Variants in VPS13B observed in about 807,000 individuals in gnomAD.
The protein encoded by VPS13B is intermembrane lipid transfer protein VPS13B.
A neutral mutation model predicts 426.4 loss-of-function variants in VPS13B; 285 were observed. The observed-to-expected ratio is 0.67, with a 90% CI of 0.61 to 0.74. The LOEUF (loss-of-function observed/expected upper bound fraction) is 0.74. Ranked by LOEUF, VPS13B falls within the 30% of genes least tolerant of loss-of-function variation. VPS13B has a pLI of 0.00. For synonymous variants in VPS13B, 1,676 were observed against 1,676.4 expected, an observed-to-expected ratio of 1.00 and a Z score of 0.01; for missense variants, 4,537 against 4,782.6, an observed-to-expected ratio of 0.95 and a Z score of 1.51.
At chr8:99,472,130 AAGAT>A (rs1015650474) in intron 24 of VPS13B, among the ~76,000 whole-genome samples, 5 of 152,108 alleles carry the variant, frequency 3.3e-5, no homozygotes, top group African/African-American at 7.2e-5. Flanking sequence ...TTAAGGGAAA[AAGAT>A]AGAGAATTCT....
chr8:99,606,242 A>G (rs1166072619), intron 33 of VPS13B, among the ~76,000 whole-genome samples: 1 of 152,148 alleles, frequency 6.6e-6, no homozygotes, highest in Admixed American at 6.6e-5. Context: ...TTCCTCAAAC[A>G]GCCTCAGGTG....
intron 17 of VPS13B, among the ~76,000 whole-genome samples, chr8:99,240,169 G>A (rs761319004): frequency 4.6e-5 from 7 of 152,138 alleles, no homozygotes; most frequent in African/African-American, 9.7e-5. Flanking sequence ...CTGCCAGGTG[G>A]ACTCTGGGCA....
intron 3 of VPS13B, among the ~76,000 whole-genome samples, chr8:99,044,327 C>T (rs1843107425): frequency 6.6e-6 from 1 of 151,804 alleles, no homozygotes; most frequent in South Asian, 2.1e-4. Flanking sequence ...TTGTGATCCG[C>T]CCACCTCAGC....
intron 3 of VPS13B, among the ~76,000 whole-genome samples, chr8:99,059,196 G>T (rs1259727094): frequency 9.2e-5 from 14 of 152,296 alleles, no homozygotes; most frequent in African/African-American, 1.4e-4. Context: ...GAGTGCAGTG[G>T]CTTGATCTTG....
At chr8:99,462,877 C>T (rs1818912135) in intron 23 of VPS13B, among the ~76,000 whole-genome samples, 1 of 152,146 alleles carries the variant, frequency 6.6e-6, no homozygotes, top group African/African-American at 2.4e-5. Flanking sequence ...GTTTTCCAGC[C>T]TCAAAGAGTG....
chr8:99,495,197 T>G (rs1436744283), intron 25 of VPS13B, among the ~76,000 whole-genome samples: 1 of 152,180 alleles, frequency 6.6e-6, no homozygotes, highest in Non-Finnish European at 1.5e-5. Context: ...AGATGTTGAA[T>G]AATTTTGGAA....
intron 23 of VPS13B, among the ~76,000 whole-genome samples, chr8:99,443,847 G>A (rs1388410272): frequency 6.6e-6 from 1 of 152,092 alleles, no homozygotes; most frequent in African/African-American, 2.4e-5. Flanking sequence ...GAGTAAAATT[G>A]TTGTGTCGTA....
At chr8:99,341,751 A>G in intron 19 of VPS13B, 1 of 392,026 alleles carries the variant, frequency 2.6e-6, no homozygotes, top group South Asian at 2.4e-5. Flanking sequence ...CCCACCAATA[A>G]CATCAGCAAT....
intron 3 of VPS13B, among the ~76,000 whole-genome samples, chr8:99,051,727 C>T (rs1192565678): frequency 1.3e-5 from 2 of 152,108 alleles, no homozygotes; most frequent in Admixed American, 1.3e-4. Flanking sequence ...TTATAGTTCT[C>T]CTTGAAGAGG....
In VPS13B at chr8:99,428,903, G is replaced by C. The variant is rs549606647; in HGVS notation, c.3083-2634G>C. 1.3e-4 allele frequency among the ~76,000 whole-genome samples: 20 copies of C among 152,230 alleles called. No individual in the cohort carries two copies. In the East Asian group the frequency reaches 3.1e-3, roughly 23 times the overall value. On this transcript the variant is annotated intron_variant, in intron 21 of 61. Transcript: ENST00000357162. ...CCCAAATGTCCAACAATGATAGACTGGATTAAGAAAATGTGGCACATATAC... is the reference window on the plus strand; with the variant it reads ...CCCAAATGTCCAACAATGATAGACTCGATTAAGAAAATGTGGCACATATAC...
At chr8:99,191,009 T>TA (rs968726767) in intron 16 of VPS13B, among the ~76,000 whole-genome samples, 2 of 152,078 alleles carry the variant, frequency 1.3e-5, no homozygotes, top group Non-Finnish European at 2.9e-5. Flanking sequence ...CGTTTAGTCA[T>TA]AAAAAAGCTC....
intron 33 of VPS13B, among the ~76,000 whole-genome samples, chr8:99,632,851 T>A (rs1286455261): frequency 2.6e-5 from 4 of 152,036 alleles, no homozygotes; most frequent in Admixed American, 2.6e-4. Flanking sequence ...TGCAAATGAC[T>A]TTCCATTCTG....
chr8:99,078,744 G>A (rs1028226952), intron 3 of VPS13B, among the ~76,000 whole-genome samples: 1 of 152,152 alleles, frequency 6.6e-6, no homozygotes, highest in Admixed American at 6.5e-5. Context: ...AGCAATAGCG[G>A]TGGCAGGCCA....
chr8:99,405,269 T>A (rs1450509152), intron 21 of VPS13B, among the ~76,000 whole-genome samples: 1 of 152,206 alleles, frequency 6.6e-6, no homozygotes, highest in African/African-American at 2.4e-5. Flanking sequence ...TAACATGTCT[T>A]GTTTCATCTG....
At chr8:99,439,585 C>T (rs1388656) in intron 22 of VPS13B, among the ~76,000 whole-genome samples, 26,682 of 151,796 alleles carry the variant, frequency 0.18, 2,857 homozygotes, top group East Asian at 0.38. Flanking sequence ...ACATTTGGTA[C>T]TGTAGAAATT....
intron 5 of VPS13B, among the ~76,000 whole-genome samples, chr8:99,107,793 CAAT>C (rs1368115414): frequency 6.6e-6 from 1 of 152,122 alleles, no homozygotes; most frequent in Non-Finnish European, 1.5e-5. Flanking sequence ...ATGATTAAAT[CAAT>C]TTATTACCAT....
At chr8:99,709,017 A>G (rs370354460) in intron 36 of VPS13B, among the ~76,000 whole-genome samples, 2 of 152,248 alleles carry the variant, frequency 1.3e-5, no homozygotes, top group East Asian at 1.9e-4. Context: ...ATCTGCTTCA[A>G]CATAATTGGT....
chr8:99,340,658 G>T, intron 19 of VPS13B: 1 of 408,922 alleles, frequency 2.4e-6, no homozygotes, highest in South Asian at 2.0e-5. Context: ...TTCCTTGCTA[G>T]GAGGCTGAGG....
intron 23 of VPS13B, among the ~76,000 whole-genome samples, chr8:99,462,507 T>C (rs1442082308): frequency 6.6e-6 from 1 of 152,092 alleles, no homozygotes; most frequent in East Asian, 1.9e-4. Context: ...TAAATACAGG[T>C]ATTCTTCCTA....
Sources: allele counts gnomAD v4.1 joint callset (sites outside exome capture counted in the v4.1 genomes callset), GRCh38; gene constraint gnomAD v4.1.1; transcripts MANE v1.5; gene names NCBI Gene and HGNC (gene_info 2026-07-23, HGNC 2026-07-21).